The following ADAMTSL1 variants were observed in gnomAD, a reference collection of about 807,000 sequenced individuals.
ADAMTSL1 encodes the protein ADAMTS-like protein 1.
A neutral mutation model predicts 201.8 loss-of-function variants in ADAMTSL1; 126 were observed. That is an observed-to-expected ratio of 0.62 (90% CI 0.54 to 0.72). The LOEUF (loss-of-function observed/expected upper bound fraction) is 0.72, where lower values mean the gene tolerates loss of function less well. ADAMTSL1 is among the 30% of genes least tolerant of loss of function. ADAMTSL1 has a pLI of 0.00. For synonymous variants in ADAMTSL1, 1,121 were observed against 903.4 expected (o/e 1.24, Z -4.32); for missense variants, 2,679 against 2,277.8 (o/e 1.18, Z -3.59).
At chr9:18,662,939 T>A (rs1263456967) in intron 9 of ADAMTSL1, among the ~76,000 whole-genome samples, 3 of 152,170 alleles carry the variant, frequency 2.0e-5, no homozygotes, top group Admixed American at 2.0e-4. Context: ...CAATCAGGAA[T>A]ACCAAAAGAC....
chr9:18,024,932 T>G (rs1054916143), intron 1 of ADAMTSL1, among the ~76,000 whole-genome samples: 7 of 152,248 alleles, frequency 4.6e-5, no homozygotes, highest in Non-Finnish European at 5.9e-5. Context: ...GCCTTTGTCA[T>G]TCTTTGATTT....
At chr9:18,550,822 G>A (rs1246020329) in intron 3 of ADAMTSL1, among the ~76,000 whole-genome samples, 3 of 151,664 alleles carry the variant, frequency 2.0e-5, no homozygotes, top group African/African-American at 7.3e-5. Context: ...ACTTTGGTGG[G>A]TTTTTTTAAA....
chr9:18,227,700 A>G (rs1830481909), intron 2 of ADAMTSL1, among the ~76,000 whole-genome samples: 1 of 152,160 alleles, frequency 6.6e-6, no homozygotes, highest in African/African-American at 2.4e-5. Flanking sequence ...GAAGACTTAG[A>G]TTAATCTCTT....
At chr9:18,828,698 T>TATATATATATA (rs1491367300) in intron 22 of ADAMTSL1, among the ~76,000 whole-genome samples, 2 of 50,010 alleles carry the variant, frequency 4.0e-5, no homozygotes, top group South Asian at 6.8e-4. Context: ...ATATATAAAA[T>TATATATATATA]GTGTGTGTGT....
intron 4 of ADAMTSL1, among the ~76,000 whole-genome samples, chr9:18,618,331 A>G (rs1287357940): frequency 6.6e-6 from 1 of 152,046 alleles, no homozygotes; most frequent in Non-Finnish European, 1.5e-5. Flanking sequence ...CTACATTGAA[A>G]CTATTAGCAA....
chr9:17,926,613 C>G (rs1033115845), intron 1 of ADAMTSL1, among the ~76,000 whole-genome samples: 3 of 152,204 alleles, frequency 2.0e-5, no homozygotes, highest in African/African-American at 7.2e-5. Context: ...CTTTGGCAAT[C>G]TCCTGCCAAT....
intron 2 of ADAMTSL1, among the ~76,000 whole-genome samples, chr9:18,411,227 C>A (rs1818430807): frequency 6.6e-6 from 1 of 150,446 alleles, no homozygotes; most frequent in Non-Finnish European, 1.5e-5. Context: ...GACAGGGTTT[C>A]TCTCTGTTGC....
At position 18,830,626 on chromosome 9, in the gene ADAMTSL1, C is replaced by A. The variant is rs541198729; in HGVS notation, c.4249+649C>A. On this transcript the variant is annotated intron_variant, in intron 23 of 28. Transcript: ENST00000380548. ...TGTACGAGGGCATTCAAGTCCTGGG[C>A]CCCCACACGAGAATCATGAAGATGC... Among the ~76,000 whole-genome samples, 9 of 152,180 alleles carry A rather than the reference C, an allele frequency of 5.9e-5. No homozygotes were observed. The South Asian group carries it at 1.7e-3, about 28-fold the overall frequency.
intron 1 of ADAMTSL1, among the ~76,000 whole-genome samples, chr9:18,027,918 G>A (rs1820770466): frequency 6.6e-6 from 1 of 152,038 alleles, no homozygotes; most frequent in African/African-American, 2.4e-5. Flanking sequence ...TATGTATTCA[G>A]GAGAGTTAAG....
intron 2 of ADAMTSL1, among the ~76,000 whole-genome samples, chr9:18,385,177 AC>A (rs1837741299): frequency 6.6e-6 from 1 of 151,998 alleles, no homozygotes; most frequent in African/African-American, 2.4e-5. Context: ...TTTCTCTTTT[AC>A]CCAACATAGA....
chr9:18,873,734 C>T (rs1827988684), intron 23 of ADAMTSL1, among the ~76,000 whole-genome samples: 1 of 152,086 alleles, frequency 6.6e-6, no homozygotes, highest in African/African-American at 2.4e-5. Flanking sequence ...TAATGTGATG[C>T]CTCCAGATTT....
chr9:18,711,801 GACAA>G lies in ADAMTSL1; in HGVS notation c.1876+4759_1876+4762del, dbSNP rs751331272. Among the ~76,000 whole-genome samples the G allele has an allele frequency of 6.1e-3, 928 of 152,072 alleles. 1 individual carries two copies. The highest frequency in any genetic ancestry group is 9.5e-3 in the Non-Finnish European group (644 of 67,852). Reference sequence around the variant, plus strand: ...GCTCCACCTCTGGGGGCAGGGCACAGACAAACAAAAAGACAGCAGTAACCTCTGC... The same window carrying G: ...GCTCCACCTCTGGGGGCAGGGCACAGACAAAAAGACAGCAGTAACCTCTGC... On this transcript the variant is annotated intron_variant, in intron 14 of 28. Transcript: ENST00000380548.
At chr9:18,717,511 A>T (rs575155) in intron 14 of ADAMTSL1, among the ~76,000 whole-genome samples, 38,926 of 152,032 alleles carry the variant, frequency 0.26, 5,500 homozygotes, top group Non-Finnish European at 0.32. Context: ...AAATTACAAT[A>T]AGCTACAAGT....
At chr9:18,419,841 T>C (rs938777947) in intron 2 of ADAMTSL1, among the ~76,000 whole-genome samples, 5 of 151,174 alleles carry the variant, frequency 3.3e-5, no homozygotes, top group African/African-American at 1.2e-4. Context: ...GCTATTCTCC[T>C]GCCTCAGCCT....
chr9:18,233,202 C>T (rs886971562), intron 2 of ADAMTSL1, among the ~76,000 whole-genome samples: 1 of 152,060 alleles, frequency 6.6e-6, no homozygotes, highest in Non-Finnish European at 1.5e-5. Flanking sequence ...CCAGAGAGCA[C>T]CTTATATTTT....
chr9:18,182,623 T>C (rs1055274780), intron 2 of ADAMTSL1, among the ~76,000 whole-genome samples: 3 of 152,006 alleles, frequency 2.0e-5, no homozygotes, highest in Non-Finnish European at 4.4e-5. Context: ...GAGTGGCAGG[T>C]AGTGATAATA....
intron 2 of ADAMTSL1, among the ~76,000 whole-genome samples, chr9:18,319,904 C>T (rs924244171): frequency 9.2e-5 from 14 of 152,066 alleles, no homozygotes; most frequent in African/African-American, 2.9e-4. Flanking sequence ...TCCTGGTGGG[C>T]TCGGCTGGAG....
In ADAMTSL1 at chr9:18,609,463, A is replaced by G. The variant is rs748212787; in HGVS notation, c.475-12780A>G. ...AAAAAAAATTATCCAATGGAACTCC[A>G]TCTGCTCTGACCTCTCAAGGAGAGT... On this transcript the variant is annotated intron_variant, in intron 4 of 28. Transcript: ENST00000380548. Among the ~76,000 whole-genome samples the G allele has an allele frequency of 4.0e-5, 6 of 151,560 alleles. No individual in the cohort carries two copies. The South Asian group carries it at 1.2e-3, about 31-fold the overall frequency.
chr9:18,092,142 G>A (rs540588736), intron 1 of ADAMTSL1, among the ~76,000 whole-genome samples: 13 of 152,114 alleles, frequency 8.5e-5, no homozygotes, highest in African/African-American at 3.1e-4. Context: ...CTATACTTGG[G>A]GCTCGGCTCT....
Sources: gnomAD v4.1 joint callset for allele counts (sites outside exome capture counted in the v4.1 genomes callset) on GRCh38, gnomAD v4.1.1 for gene constraint, MANE v1.5 for transcripts, NCBI Gene and HGNC (gene_info 2026-07-23, HGNC 2026-07-21) for gene names.